The following VPS13B variants were observed in gnomAD, a reference collection of about 807,000 sequenced individuals.
The protein encoded by VPS13B is intermembrane lipid transfer protein VPS13B.
Under a neutral mutation model 426.4 loss-of-function variants are expected in VPS13B, and 285 were observed. The observed-to-expected ratio is 0.67, with a 90% CI of 0.61 to 0.74. The LOEUF (loss-of-function observed/expected upper bound fraction) is 0.74, where lower values mean the gene tolerates loss of function less well. Ranked by LOEUF, VPS13B falls within the 30% of genes least tolerant of loss-of-function variation. VPS13B has a pLI of 0.00. For synonymous variants in VPS13B, 1,676 were observed against 1,676.4 expected (o/e 1.00, Z 0.01); for missense variants, 4,537 against 4,782.6 (o/e 0.95, Z 1.51).
chr8:99,645,853 CAG>C (rs1829556258), intron 34 of VPS13B, among the ~76,000 whole-genome samples: 7 of 152,172 alleles, frequency 4.6e-5, no homozygotes, highest in Non-Finnish European at 8.8e-5. Flanking sequence ...TTTGGCTATC[CAG>C]AAACACTTTA....
Position 99,135,718 on chromosome 8 carries a change from T to G in VPS13B, c.1548T>G (p.Asp516Glu). 1 of 1,613,322 alleles carries G rather than the reference T, an allele frequency of 6.2e-7. No individual in the cohort carries two copies. The highest frequency in any genetic ancestry group is 8.5e-7 in the Non-Finnish European group (1 of 1,179,422). The change falls in exon 11 of 62, where the codon GAT becomes GAG. Residue 516 changes from aspartate to glutamate, a missense_variant. Physicochemically the swap from Asp to Glu is conservative, Grantham distance 45 (BLOSUM62 2). This residue lies in a region of VPS13B where 4,311 missense variants were observed against 4,474.3 expected (regional missense o/e 0.96). Transcript: ENST00000357162. ...GTACTCGCGCAGAATTTATCTTGGA[T>G]TCAACTCATCATAAGGTTAGAGAAT... Reference protein sequence around the residue: ...NNGTRAEFILDSTHHKETYTE... With the variant: ...NNGTRAEFILESTHHKETYTE...
intron 43 of VPS13B, among the ~76,000 whole-genome samples, chr8:99,795,195 A>G (rs1287807039): frequency 6.6e-6 from 1 of 152,194 alleles, no homozygotes; most frequent in Non-Finnish European, 1.5e-5. Flanking sequence ...CTGGAAATCT[A>G]CTTAGCTAGA....
chr8:99,269,496 T>A (rs1818466009), intron 17 of VPS13B, among the ~76,000 whole-genome samples: 1 of 152,222 alleles, frequency 6.6e-6, no homozygotes, highest in Non-Finnish European at 1.5e-5. Flanking sequence ...AAGTTCTGTA[T>A]AAAGTTTAGC....
At position 99,511,224 on chromosome 8, in the gene VPS13B, T is replaced by A. The variant is rs559855486; in HGVS notation, c.4345T>A (p.Phe1449Ile). 6.2e-7 allele frequency: 1 copy of A among 1,614,102 alleles called. No individual in the cohort carries two copies. The highest frequency in any genetic ancestry group is 1.3e-5 in the African/African-American group (1 of 75,056). Residue 1449 changes from phenylalanine to isoleucine, a missense_variant, in exon 29 of 62, where the codon TTT becomes ATT. By Grantham distance (21) the Phe-to-Ile change is conservative (BLOSUM62 0). Transcript: ENST00000357162. ...AACATCAAGAAATGAGCGAAGAAGT[T>A]TTCATAAGTTATCTGAAGGCCTAAT... ...KLTSRNERRS[F>I]HKLSEGLMDG...
chr8:99,853,962 C>T lies in VPS13B; in HGVS notation c.10573C>T (p.Pro3525Ser). ...YIKTLFDTYL[P>S]NSRLAGHSTH... is the part of the protein sequence containing the mutation. The stretch of plus-strand genomic sequence containing the variant: ...CAAGACTTTGTTTGACACCTACCTT[C>T]CTAACAGCAGGTTGGCTGGTCACTC... Residue 3525 changes from proline (P) to serine (S), a missense_variant, in exon 56 of 62, where the codon CCT becomes TCT. Transcript: ENST00000357162. 1.2e-6 allele frequency: 2 copies of T among 1,614,234 alleles called. No individual in the cohort carries two copies. The highest frequency in any genetic ancestry group is 1.1e-5 in the South Asian group (1 of 91,084).
chr8:99,458,851 T>G (rs1013052863), intron 23 of VPS13B, among the ~76,000 whole-genome samples: 2 of 152,220 alleles, frequency 1.3e-5, no homozygotes, highest in Non-Finnish European at 2.9e-5. Context: ...TGCAAAAATT[T>G]TCTCCCATGT....
chr8:99,353,829 G>GT (rs1245289203), intron 19 of VPS13B, among the ~76,000 whole-genome samples: 5 of 152,016 alleles, frequency 3.3e-5, no homozygotes, highest in African/African-American at 1.2e-4. Flanking sequence ...ACTTGTAGCA[G>GT]TAAAAACTAT....
intron 33 of VPS13B, among the ~76,000 whole-genome samples, chr8:99,632,166 C>T (rs1032306028): frequency 1.3e-5 from 2 of 151,874 alleles, no homozygotes; most frequent in African/African-American, 4.8e-5. Context: ...CCTTAAAAGA[C>T]ATCCTAATAA....
intron 19 of VPS13B, among the ~76,000 whole-genome samples, chr8:99,292,584 A>T (rs552700003): frequency 9.9e-5 from 15 of 152,268 alleles, no homozygotes; most frequent in Admixed American, 9.2e-4. Context: ...GATCATGTTT[A>T]GATATTATGT....
intron 17 of VPS13B, among the ~76,000 whole-genome samples, chr8:99,209,365 T>C (rs1814930913): frequency 6.6e-6 from 1 of 151,710 alleles, no homozygotes; most frequent in African/African-American, 2.4e-5. Context: ...TTATGGCAAA[T>C]AGAATGTTAG....
At chr8:99,597,674 A>G (rs1351370718) in intron 33 of VPS13B, among the ~76,000 whole-genome samples, 1 of 152,032 alleles carries the variant, frequency 6.6e-6, no homozygotes, top group Non-Finnish European at 1.5e-5. Context: ...TAAGGATAAC[A>G]AAGTGGACAG....
chr8:99,473,693 T>C (rs1043239054), intron 24 of VPS13B, among the ~76,000 whole-genome samples: 1 of 152,122 alleles, frequency 6.6e-6, no homozygotes, highest in Non-Finnish European at 1.5e-5. Flanking sequence ...TAATAAAAGA[T>C]ATAAAGATAA....
At chr8:99,630,668 G>C in intron 33 of VPS13B, among the ~76,000 whole-genome samples, 1 of 148,666 alleles carries the variant, frequency 6.7e-6, no homozygotes, top group South Asian at 2.1e-4. Context: ...TAGGTGCTAG[G>C]TGATAATGTA....
intron 21 of VPS13B, among the ~76,000 whole-genome samples, chr8:99,403,196 G>C (rs1815134108): frequency 6.6e-6 from 1 of 152,112 alleles, no homozygotes; most frequent in Non-Finnish European, 1.5e-5. Flanking sequence ...CAGATTTCTT[G>C]ACAGTTTTGT....
chr8:99,494,827 A>G (rs1820801996), intron 25 of VPS13B, among the ~76,000 whole-genome samples: 1 of 152,102 alleles, frequency 6.6e-6, no homozygotes, highest in Non-Finnish European at 1.5e-5. Flanking sequence ...AACCTCTAAC[A>G]TTCTTTTGGC....
chr8:99,814,994 ATTT>A (rs1813937404), intron 44 of VPS13B, among the ~76,000 whole-genome samples: 2 of 151,954 alleles, frequency 1.3e-5, no homozygotes, highest in Non-Finnish European at 2.9e-5. Flanking sequence ...TCTCTGTTAA[ATTT>A]TCTCTCTGTT....
At chr8:99,176,160 G>C (rs1376926559) in intron 16 of VPS13B, among the ~76,000 whole-genome samples, 2 of 150,578 alleles carry the variant, frequency 1.3e-5, no homozygotes, top group East Asian at 3.9e-4. Flanking sequence ...TTTTTGAGAC[G>C]AAGTCTTGGT....
chr8:99,743,200 C>T (rs1349299776), intron 39 of VPS13B, among the ~76,000 whole-genome samples: 2 of 152,114 alleles, frequency 1.3e-5, no homozygotes, highest in African/African-American at 4.8e-5. Context: ...ACAGCCAAAT[C>T]ATGAGTGAGC....
chr8:99,817,815 C>T lies in VPS13B; in HGVS notation c.8361+12C>T, dbSNP rs886062546. The T allele has an allele frequency of 1.1e-5, 17 of 1,613,838 alleles. No individual in the cohort carries two copies. The highest frequency in any genetic ancestry group is 5.3e-5 in the African/African-American group (4 of 74,906). Reference sequence around the variant, plus strand: ...GCATTGTCATTCAGGTTTGAAAAGACGTTCAATCTAGAATAGAGCAGCTTT... The same window carrying T: ...GCATTGTCATTCAGGTTTGAAAAGATGTTCAATCTAGAATAGAGCAGCTTT... On this transcript the variant is annotated intron_variant, in intron 45 of 61. Transcript: ENST00000357162.
Sources: gnomAD v4.1 joint callset for allele counts (sites outside exome capture counted in the v4.1 genomes callset) on GRCh38, gnomAD v4.1.1 for gene constraint, gnomAD v4.1.1 regional missense constraint, MANE v1.5 for transcripts, NCBI Gene and HGNC (gene_info 2026-07-23, HGNC 2026-07-21) for gene names.